RSU1: variants seen among roughly 807,000 people sequenced by gnomAD.
The protein encoded by RSU1 is Ras suppressor protein 1.
RSU1 carries 26 observed loss-of-function variants against 31.1 expected under a neutral mutation model. That is an observed-to-expected ratio of 0.84 (90% CI 0.61 to 1.16). RSU1 has a LOEUF of 1.16. Ranked by LOEUF, RSU1 falls within the 50% of genes most tolerant of loss-of-function variation. The probability of loss-of-function intolerance (pLI) is 0.00; values close to 1 mark genes in which losing one functional copy is unlikely to be tolerated. For missense variants in RSU1, 320 were observed against 339.1 expected, an observed-to-expected ratio of 0.94 and a Z score of 0.44; for synonymous variants, 164 against 136.3, an observed-to-expected ratio of 1.20 and a Z score of -1.41.
At chr10:16,666,748 G>A (rs886384636) in intron 8 of RSU1, among the ~76,000 whole-genome samples, 2 of 152,120 alleles carry the variant, frequency 1.3e-5, no homozygotes, top group African/African-American at 4.8e-5. Flanking sequence ...AGCACTTTGG[G>A]AGGCTAAGGT....
Position 16,604,432 on chromosome 10 carries a change from A to G in RSU1, c.732-10936T>C, listed in dbSNP as rs971018080. On this transcript the variant is annotated intron_variant, in intron 8 of 8. Transcript: ENST00000345264. ...TGAGTTCTGTGGATGCCCTGGCGGGACTGTGTGCCTAGGAGGAATCACAGA... is the reference window on the plus strand; with the variant it reads ...TGAGTTCTGTGGATGCCCTGGCGGGGCTGTGTGCCTAGGAGGAATCACAGA... 2.4e-4 allele frequency among the ~76,000 whole-genome samples: 37 copies of G among 151,930 alleles called. 1 individual carries two copies. Among genetic ancestry groups the G allele is most frequent in the South Asian group, 2.1e-4 (1 of 4,812 alleles).
chr10:16,661,910 T>C (rs1834897268), intron 8 of RSU1, among the ~76,000 whole-genome samples: 2 of 152,222 alleles, frequency 1.3e-5, no homozygotes, highest in African/African-American at 4.8e-5. Flanking sequence ...CTCTTACAAG[T>C]TCAGCAATAT....
At chr10:16,714,337 T>C (rs1266531838) in intron 7 of RSU1, among the ~76,000 whole-genome samples, 4 of 152,122 alleles carry the variant, frequency 2.6e-5, no homozygotes, top group Non-Finnish European at 4.4e-5. Context: ...GATGCCAGTG[T>C]GAAATGGGGT....
intron 2 of RSU1, among the ~76,000 whole-genome samples, chr10:16,785,400 A>T (rs927443319): frequency 3.6e-5 from 4 of 111,254 alleles, no homozygotes; most frequent in South Asian, 5.4e-4. Context: ...CTCTCTCTCT[A>T]TCTTTCTATA....
At chr10:16,720,594 C>G (rs1030062462) in intron 7 of RSU1, among the ~76,000 whole-genome samples, 1 of 152,194 alleles carries the variant, frequency 6.6e-6, no homozygotes, top group Non-Finnish European at 1.5e-5. Context: ...GCTAGAGTTT[C>G]TCATATAAAT....
At chr10:16,629,371 C>T (rs1407181689) in intron 8 of RSU1, among the ~76,000 whole-genome samples, 2 of 152,076 alleles carry the variant, frequency 1.3e-5, no homozygotes, top group African/African-American at 2.4e-5. Context: ...CCAAGAGGGG[C>T]TCTGTAAAGG....
intron 8 of RSU1, among the ~76,000 whole-genome samples, chr10:16,670,322 A>C (rs943956318): frequency 6.6e-6 from 1 of 152,186 alleles, no homozygotes; most frequent in Non-Finnish European, 1.5e-5. Context: ...ACCCCTTTTT[A>C]TTCCATGGTA....
chr10:16,656,587 C>T (rs1834783346), intron 8 of RSU1, among the ~76,000 whole-genome samples: 1 of 152,212 alleles, frequency 6.6e-6, no homozygotes, highest in Admixed American at 6.5e-5. Context: ...TGTATTTAAA[C>T]AAGTGATTCT....
rs79618416 is a variant in RSU1 at position 16,737,710 on chromosome 10, A to C, written c.598+14829T>G. Among the ~76,000 whole-genome samples the C allele has an allele frequency of 7.0e-4, 107 of 152,118 alleles. 2 individuals carry two copies. The East Asian group carries it at 0.015, about 22-fold the overall frequency. On this transcript the variant is annotated intron_variant, in intron 7 of 8. Coordinates refer to ENST00000345264, the MANE Select transcript of RSU1 (RefSeq NM_012425.4). ...AATAGAGAAGCGGCAGTCAATGTGAAAAACTTTTTCCTCCTCTCTAAAGTT... is the reference window on the plus strand; with the variant it reads ...AATAGAGAAGCGGCAGTCAATGTGACAAACTTTTTCCTCCTCTCTAAAGTT...
intron 7 of RSU1, among the ~76,000 whole-genome samples, chr10:16,704,839 T>C (rs1243400244): frequency 1.3e-5 from 2 of 152,216 alleles, no homozygotes; most frequent in African/African-American, 2.4e-5. Flanking sequence ...GGTTAATTTT[T>C]CCCCCACTTT....
intron 2 of RSU1, among the ~76,000 whole-genome samples, chr10:16,805,884 T>C (rs1331891637): frequency 6.6e-6 from 1 of 152,016 alleles, no homozygotes; most frequent in African/African-American, 2.4e-5. Context: ...AGATGAGGAC[T>C]AGAAGGAGGA....
chr10:16,732,541 T>G (rs1223303189), intron 7 of RSU1, among the ~76,000 whole-genome samples: 2 of 152,208 alleles, frequency 1.3e-5, no homozygotes, highest in East Asian at 3.9e-4. Context: ...AGCCAGCACT[T>G]TGATCTCAGA....
chr10:16,794,279 TTC>T (rs1837982433), intron 2 of RSU1, among the ~76,000 whole-genome samples: 1 of 152,188 alleles, frequency 6.6e-6, no homozygotes, highest in Admixed American at 6.5e-5. Context: ...TGCCTATGGA[TTC>T]TGTTTCTCTG....
chr10:16,618,620 T>A (rs993356659), intron 8 of RSU1, among the ~76,000 whole-genome samples: 9 of 152,172 alleles, frequency 5.9e-5, no homozygotes, highest in African/African-American at 2.2e-4. Context: ...ATAGGGCACA[T>A]ACACACCATG....
At chr10:16,633,473 C>T (rs1295162081) in intron 8 of RSU1, among the ~76,000 whole-genome samples, 1 of 152,042 alleles carries the variant, frequency 6.6e-6, no homozygotes, top group Non-Finnish European at 1.5e-5. Flanking sequence ...AAAAAAACAT[C>T]CAGAGCTGTT....
At chr10:16,737,442 T>C (rs1375965190) in intron 7 of RSU1, among the ~76,000 whole-genome samples, 2 of 151,018 alleles carry the variant, frequency 1.3e-5, no homozygotes, top group Non-Finnish European at 3.0e-5. Flanking sequence ...AAAACACCCT[T>C]GAAGCAAGGT....
At position 16,590,831 on chromosome 10, in the gene RSU1, T is replaced by A. The variant is rs760424836; in HGVS notation, c.*2563A>T. On this transcript the variant is annotated 3_prime_UTR_variant, in exon 9 of 9. Coordinates refer to ENST00000345264, the MANE Select transcript of RSU1 (RefSeq NM_012425.4). ...CTTCCTTTTGACACAGCTGGGACCA[T>A]CCTTATATAGTTAGTTTTAAAAATC... 1 of 152,220 alleles carries A rather than the reference T, an allele frequency of 6.6e-6. No homozygotes were observed. Among genetic ancestry groups the A allele is most frequent in the Non-Finnish European group, 1.5e-5 (1 of 68,038 alleles). 9.4% of individuals were successfully genotyped at this position (152,220 alleles called of 1,614,324 possible).
intron 4 of RSU1, 33 bp from the exon 5 acceptor site, chr10:16,755,022 C>T: frequency 7.6e-7 from 1 of 1,324,230 alleles, no homozygotes; most frequent in Non-Finnish European, 1.1e-6. Flanking sequence ...TATGTCATGA[C>T]ACCAAAGACA....
Position 16,645,970 on chromosome 10 carries a change from ATATATGTG to A in RSU1, c.731+49045_731+49052del, listed in dbSNP as rs1564298468. ...TATGTGTATATACATATATGTGTAT[ATATATGTG>A]TATATACATATATGTGTATATATAT... On this transcript the variant is annotated intron_variant, in intron 8 of 8. Transcript: ENST00000345264. Among the ~76,000 whole-genome samples, 2 of 76,950 alleles carry A rather than the reference ATATATGTG, an allele frequency of 2.6e-5. 1 individual carries two copies. Among genetic ancestry groups the A allele is most frequent in the Admixed American group, 2.8e-4 (2 of 7,262 alleles). The allele number at this position is 76,950 out of a possible 152,430, so 50.5% of individuals were successfully genotyped here. A position where few individuals can be genotyped will look rare whatever the true frequency, so the allele number is the denominator to read the frequency against.
Sources: allele counts gnomAD v4.1 joint callset (sites outside exome capture counted in the v4.1 genomes callset), GRCh38; gene constraint gnomAD v4.1.1; transcripts MANE v1.5; gene names NCBI Gene and HGNC (gene_info 2026-07-23, HGNC 2026-07-21).